KCNG3: variants seen among roughly 807,000 people sequenced by gnomAD.
The protein encoded by KCNG3 is potassium voltage-gated channel modifier subfamily G member 3.
A neutral mutation model predicts 29.0 loss-of-function variants in KCNG3; 15 were observed. The ratio of observed to expected loss-of-function variants is 0.52; its 90% CI spans 0.35 to 0.80. The LOEUF (loss-of-function observed/expected upper bound fraction) is 0.80, where lower values mean the gene tolerates loss of function less well. Ranked by LOEUF, KCNG3 falls within the 30% of genes least tolerant of loss-of-function variation. KCNG3 has a pLI of 0.01. For synonymous variants in KCNG3, 322 were observed against 248.9 expected, an observed-to-expected ratio of 1.29 and a Z score of -2.76; for missense variants, 512 against 605.7, an observed-to-expected ratio of 0.85 and a Z score of 1.62.
downstream of KCNG3, among the ~76,000 whole-genome samples, chr2:42,438,705 G>C (rs1363164123): frequency 1.3e-5 from 2 of 152,174 alleles, no homozygotes; most frequent in African/African-American, 4.8e-5. Flanking sequence ...AAAATATTTG[G>C]AAGATCTAGA....
the KCNG3 span, among the ~76,000 whole-genome samples, chr2:42,431,157 T>C: frequency 6.6e-6 from 1 of 151,972 alleles, no homozygotes; most frequent in Non-Finnish European, 1.5e-5. Context: ...TATGAAAAAG[T>C]TGCTATAATT....
At chr2:42,471,155 A>AGT (rs565717729) in intron 1 of KCNG3, among the ~76,000 whole-genome samples, 19,649 of 137,536 alleles carry the variant, frequency 0.14, 1,540 homozygotes, top group East Asian at 0.31. Context: ...GTCTCAAAAA[A>AGT]GTGTGTGTGT....
At chr2:42,392,873 C>G in the KCNG3 span, among the ~76,000 whole-genome samples, 1 of 151,866 alleles carries the variant, frequency 6.6e-6, no homozygotes, top group African/African-American at 2.4e-5. Context: ...GCTTTAAGAC[C>G]AGAAGCGTCA....
chr2:42,448,379 ATTTATTTT>A (rs1196076375), intron 1 of KCNG3, among the ~76,000 whole-genome samples: 67 of 136,028 alleles, frequency 4.9e-4, no homozygotes, highest in African/African-American at 1.8e-3. Flanking sequence ...TTATTTATTT[ATTTATTTT>A]TTGTATGGCA....
At chr2:42,485,975 T>C (rs759019720) in intron 1 of KCNG3, among the ~76,000 whole-genome samples, 1 of 152,228 alleles carries the variant, frequency 6.6e-6, no homozygotes, top group Non-Finnish European at 1.5e-5. Flanking sequence ...TGCTCACTAT[T>C]ATCTTTAACA....
At chr2:42,398,048 CCT>C in the KCNG3 span, among the ~76,000 whole-genome samples, 1 of 151,926 alleles carries the variant, frequency 6.6e-6, no homozygotes, top group Non-Finnish European at 1.5e-5. Context: ...ACAGTGAAAC[CCT>C]GTCTCTACTA....
chr2:42,467,656 A>G (rs1209754151), intron 1 of KCNG3, among the ~76,000 whole-genome samples: 1 of 149,684 alleles, frequency 6.7e-6, no homozygotes, highest in Non-Finnish European at 1.5e-5. Context: ...TGACAGAGTG[A>G]GACTCTGTTT....
chr2:42,444,436 A>C lies in KCNG3; in HGVS notation c.809T>G (p.Leu270Trp). Residue 270 changes from leucine to tryptophan, a missense_variant, in exon 2 of 2, where the codon TTG (leucine) becomes TGG (tryptophan). Around this residue, in one of 5 missense-constraint regions of KCNG3, gnomAD observed 173 missense variants for 262.4 expected, o/e 0.66. Transcript: ENST00000306078. This position sits in a 1 kb window ranked among gnomAD's most constrained non-coding sequence, Gnocchi z 5.8. ...LAITPYYISV[L>W]MTVFTGENSQ... ...GTTCTCGCCTGTAAACACTGTCATC[A>C]ACACAGAGATGTAATACGGCGTGAT... 6.2e-7 allele frequency: 1 copy of C among 1,614,198 alleles called. No individual in the cohort carries two copies.
At chr2:42,436,380 C>T in the KCNG3 span, among the ~76,000 whole-genome samples, 87 of 152,232 alleles carry the variant, frequency 5.7e-4, 1 homozygote, top group Admixed American at 4.1e-3. Context: ...GTATGGCATA[C>T]GAATTATGTC....
At chr2:42,420,955 C>T in the KCNG3 span, among the ~76,000 whole-genome samples, 2 of 152,110 alleles carry the variant, frequency 1.3e-5, no homozygotes, top group Non-Finnish European at 2.9e-5. Flanking sequence ...TAGCCCAGAC[C>T]ACCCATTGCT....
At chr2:42,458,739 T>C (rs1440148712) in intron 1 of KCNG3, among the ~76,000 whole-genome samples, 2 of 151,992 alleles carry the variant, frequency 1.3e-5, no homozygotes, top group Admixed American at 6.6e-5. Context: ...TAGTGTGAGC[T>C]TGTAGAGACA....
Position 42,454,373 on chromosome 2 carries a change from A to G in KCNG3, c.666-9794T>C, listed in dbSNP as rs143951490. On this transcript the variant is annotated intron_variant, in intron 1 of 1. Transcript: ENST00000306078. ...CGAAGCAACCTTAATGTCCACTGAC[A>G]AAAGAATAAATAAAGAATCTATTTG... 2.8e-3 allele frequency among the ~76,000 whole-genome samples: 434 copies of G among 152,358 alleles called. 2 individuals are homozygous for G. Among genetic ancestry groups the G allele is most frequent in the African/African-American group, 0.01 (419 of 41,576 alleles).
At chr2:42,397,367 G>A in the KCNG3 span, among the ~76,000 whole-genome samples, 2 of 152,128 alleles carry the variant, frequency 1.3e-5, no homozygotes, top group African/African-American at 4.8e-5. Flanking sequence ...CATGTGGGAA[G>A]GAAGGGGTAA....
intron 1 of KCNG3, among the ~76,000 whole-genome samples, chr2:42,458,984 G>C (rs1353809313): frequency 6.6e-6 from 1 of 152,084 alleles, no homozygotes; most frequent in African/African-American, 2.4e-5. Flanking sequence ...ATTACCTGAG[G>C]TCAGGAGTTC....
chr2:42,477,416 CA>C, intron 1 of KCNG3, among the ~76,000 whole-genome samples: 4 of 47,422 alleles, frequency 8.4e-5, no homozygotes, highest in South Asian at 9.1e-4. Flanking sequence ...CACACACACA[CA>C]CACACATATA....
At chr2:42,459,981 G>GA (rs55965070) in intron 1 of KCNG3, among the ~76,000 whole-genome samples, 106,092 of 145,454 alleles carry the variant, frequency 0.73, 38,952 homozygotes, top group East Asian at 0.8. Context: ...ATCTCAAAAA[G>GA]AAAAAAAAAA....
At chr2:42,460,206 A>G (rs1672982148) in intron 1 of KCNG3, among the ~76,000 whole-genome samples, 2 of 152,106 alleles carry the variant, frequency 1.3e-5, no homozygotes, top group South Asian at 4.2e-4. Context: ...CTCTACAAAA[A>G]AAATAGCAGG....
At position 42,444,682 on chromosome 2, in the gene KCNG3, C is replaced by T. The variant is rs1672556841; in HGVS notation, c.666-103G>A. 1 of 1,060,866 alleles carries T rather than the reference C, an allele frequency of 9.4e-7. No homozygotes were observed. The highest frequency in any genetic ancestry group is 1.6e-5 in the South Asian group (1 of 61,848). 65.7% of individuals were successfully genotyped at this position (1,060,866 alleles called of 1,614,324 possible). A position where few individuals can be genotyped will look rare whatever the true frequency, so the allele number is the denominator to read the frequency against. ...CTACACTGACATACTAATTCAGTTACTTTTCCAGAAAACATAAAGAACAGA... is the reference window on the plus strand; with the variant it reads ...CTACACTGACATACTAATTCAGTTATTTTTCCAGAAAACATAAAGAACAGA... On this transcript the variant is annotated intron_variant, in intron 1 of 1. Transcript: ENST00000306078. The surrounding 1 kb of genome is among the most constrained non-coding windows in gnomAD (Gnocchi z 5.8).
intron 1 of KCNG3, among the ~76,000 whole-genome samples, chr2:42,451,908 AAACAACAAC>A (rs539717843): frequency 4.6e-5 from 7 of 151,804 alleles, no homozygotes; most frequent in Admixed American, 1.3e-4. Flanking sequence ...TCAAAAACAA[AAACAACAAC>A]AACAACAACA....
Sources: allele counts gnomAD v4.1 joint callset (sites outside exome capture counted in the v4.1 genomes callset), GRCh38; gene constraint gnomAD v4.1.1; regional missense constraint gnomAD v4.1.1; non-coding constraint Gnocchi (gnomAD v3.1); transcripts MANE v1.5; gene names NCBI Gene and HGNC (gene_info 2026-07-23, HGNC 2026-07-21).